RDX: variants seen among roughly 807,000 people sequenced by gnomAD.
RDX encodes the protein deafness, autosomal recessive 24.
In RDX, 32 loss-of-function variants were observed where a neutral mutation model predicts 83.7. That is an observed-to-expected ratio of 0.38 (90% CI 0.29 to 0.51). The LOEUF is 0.51. Ranked by LOEUF, RDX falls within the 20% of genes least tolerant of loss-of-function variation. The pLI, the probability that RDX is intolerant of heterozygous loss-of-function variation, is 0.87. For missense variants in RDX, 600 were observed against 689.9 expected (o/e 0.87, Z 1.46); for synonymous variants, 229 against 222.7 (o/e 1.03, Z -0.25).
intron 9 of RDX, among the ~76,000 whole-genome samples, chr11:110,248,778 A>C (rs1859213667): frequency 6.6e-6 from 1 of 152,212 alleles, no homozygotes; most frequent in South Asian, 2.1e-4. Flanking sequence ...AAACAAAGGC[A>C]TGTATCTTAA....
chr11:110,257,979 C>A, intron 6 of RDX, 66 bp from the exon 7 acceptor site: 2 of 1,528,204 alleles, frequency 1.3e-6, no homozygotes, highest in Non-Finnish European at 1.8e-6. Flanking sequence ...TTGCAAAATA[C>A]CTGGAATTAA....
chr11:110,210,948 A>C (rs1264691966), intron 14 of RDX, among the ~76,000 whole-genome samples: 1 of 152,146 alleles, frequency 6.6e-6, no homozygotes, highest in African/African-American at 2.4e-5. Context: ...GAGCAAAATA[A>C]CCAGCTAACA....
chr11:110,262,294 T>C (rs1375694014), intron 5 of RDX, among the ~76,000 whole-genome samples: 2 of 152,268 alleles, frequency 1.3e-5, no homozygotes, highest in African/African-American at 2.4e-5. Context: ...CATTTAATAA[T>C]TGAATTTTGG....
chr11:110,255,247 T>TTA, intron 8 of RDX, 42 bp downstream of exon 8: 1 of 1,018,396 alleles, frequency 9.8e-7, no homozygotes, highest in East Asian at 2.4e-5. Flanking sequence ...AACTAGCAGA[T>TTA]ATTAAACAGT....
At position 110,247,774 on chromosome 11, in the gene RDX, ATTCTT is replaced by A; in HGVS notation, c.1014_1018del (p.Glu338AspfsTer4). 6.2e-7 allele frequency: 1 copy of A among 1,607,324 alleles called. No homozygotes were observed. Among genetic ancestry groups the A allele is most frequent in the Non-Finnish European group, 8.5e-7 (1 of 1,176,710 alleles). On this transcript the variant is annotated frameshift_variant, in exon 10 of 14. Coordinates refer to ENST00000645495, the MANE Select transcript of RDX (RefSeq NM_002906.4). LOFTEE classifies it high-confidence loss of function. ...CATTAGCTCTTCCTTTTCACGTTCT[ATTCTT>A]TCCTTTTCCTTTTCTGCTATTTCTC...
chr11:110,181,179 T>A (rs1862879831), intron 15 of RDX, among the ~76,000 whole-genome samples: 2 of 127,498 alleles, frequency 1.6e-5, no homozygotes, highest in East Asian at 4.9e-4. Flanking sequence ...TTTTTTTTTT[T>A]GAGACGGAGT....
chr11:110,277,704 AT>A (rs1487448702), intron 2 of RDX, among the ~76,000 whole-genome samples: 1 of 151,294 alleles, frequency 6.6e-6, no homozygotes, highest in Non-Finnish European at 1.5e-5. Context: ...GAGTTGTGTT[AT>A]TATTCAACTG....
chr11:110,268,359 G>A (rs1219438034), intron 3 of RDX, among the ~76,000 whole-genome samples: 1 of 151,262 alleles, frequency 6.6e-6, no homozygotes, highest in Non-Finnish European at 1.5e-5. Flanking sequence ...AGAAGATGTG[G>A]AATATAAAGT....
At chr11:110,247,311 T>C (rs531689434) in intron 10 of RDX, among the ~76,000 whole-genome samples, 1 of 152,310 alleles carries the variant, frequency 6.6e-6, no homozygotes, top group South Asian at 2.1e-4. Context: ...TAAATTACTT[T>C]AATTACTTAA....
chr11:110,245,398 C>T (rs1378917704), intron 10 of RDX, among the ~76,000 whole-genome samples: 1 of 152,194 alleles, frequency 6.6e-6, no homozygotes, highest in Non-Finnish European at 1.5e-5. Flanking sequence ...ACACCCACTG[C>T]ACTCCAGCCT....
intron 1 of RDX, among the ~76,000 whole-genome samples, chr11:110,290,030 C>A (rs1367868530): frequency 6.8e-6 from 1 of 146,292 alleles, no homozygotes; most frequent in Non-Finnish European, 1.5e-5. Flanking sequence ...TCCATGTACT[C>A]ACCAGGATTT....
chr11:110,268,550 G>A (rs1296699960), intron 3 of RDX, among the ~76,000 whole-genome samples: 1 of 152,206 alleles, frequency 6.6e-6, no homozygotes, highest in African/African-American at 2.4e-5. Flanking sequence ...GCAGAGAGAA[G>A]TATAACAAAG....
intron 1 of RDX, among the ~76,000 whole-genome samples, chr11:110,285,712 CA>C (rs35030078): frequency 0.044 from 3,415 of 78,328 alleles, 45 homozygotes; most frequent in African/African-American, 0.11. Flanking sequence ...GACTTTGTCT[CA>C]AAAAAAAAAA....
At chr11:110,288,953 T>TA (rs1223003115) in intron 1 of RDX, among the ~76,000 whole-genome samples, 1 of 152,122 alleles carries the variant, frequency 6.6e-6, no homozygotes, top group Admixed American at 6.5e-5. Flanking sequence ...AAAAGCTCCT[T>TA]ACAGCTGGGC....
rs544431436 is a variant in RDX, at chr11:110,176,359, C to T, written c.*32-1125G>A. 1.4e-4 allele frequency among the ~76,000 whole-genome samples: 22 copies of T among 152,248 alleles called. No individual in the cohort carries two copies. In the East Asian group the frequency reaches 3.9e-3, roughly 27 times the overall value. On this transcript the variant is annotated intron_variant, in intron 15 of 15. Transcript: ENST00000528498. Reference sequence around the variant, plus strand: ...GATTACAGGCATGAGCCACCTTGTCCGGCCTAGCACCAGCTTTTACAAACC... The same window carrying T: ...GATTACAGGCATGAGCCACCTTGTCTGGCCTAGCACCAGCTTTTACAAACC...
At chr11:110,281,898 T>G (rs1860777556) in intron 1 of RDX, among the ~76,000 whole-genome samples, 4 of 143,672 alleles carry the variant, frequency 2.8e-5, no homozygotes, top group South Asian at 4.4e-4. Context: ...CCCAGGAGTT[T>G]GAGACCAGCC....
At chr11:110,237,743 T>C (rs767104549) in intron 10 of RDX, 91 bp from the exon 11 acceptor site, 5 of 1,402,830 alleles carry the variant, frequency 3.6e-6, no homozygotes, top group Non-Finnish European at 5.0e-6. Flanking sequence ...AAATCAAATC[T>C]GTTCAATTTC....
chr11:110,260,458 C>T (rs1434295518), intron 5 of RDX, among the ~76,000 whole-genome samples: 4 of 151,772 alleles, frequency 2.6e-5, no homozygotes, highest in African/African-American at 9.7e-5. Flanking sequence ...TTCTTGTTTT[C>T]TGAGATGGAG....
At chr11:110,225,368 T>A (rs569438532), downstream of RDX, among the ~76,000 whole-genome samples, 5 of 152,312 alleles carry the variant, frequency 3.3e-5, no homozygotes, top group South Asian at 1.0e-3. Context: ...AAATCTGGGA[T>A]AATGGATTAA....
Sources: gnomAD v4.1 joint callset for allele counts (sites outside exome capture counted in the v4.1 genomes callset) on GRCh38, gnomAD v4.1.1 for gene constraint, MANE v1.5 for transcripts, NCBI Gene and HGNC (gene_info 2026-07-23, HGNC 2026-07-21) for gene names.